The following REPS1 variants were observed in gnomAD, a reference collection of about 807,000 sequenced individuals.
REPS1 encodes RALBP1 associated Eps domain containing 1.
In REPS1, 39 loss-of-function variants were observed where a neutral mutation model predicts 100.9. That is an observed-to-expected ratio of 0.39 (90% confidence interval 0.30 to 0.50). REPS1 has a LOEUF of 0.50. REPS1 is among the 20% of genes least tolerant of loss of function. The probability of loss-of-function intolerance (pLI) is 0.86; values close to 1 mark genes in which losing one functional copy is unlikely to be tolerated. For missense variants in REPS1, 821 were observed against 968.5 expected (o/e 0.85, Z 2.02); for synonymous variants, 324 against 340.3 (o/e 0.95, Z 0.53).
intron 1 of REPS1, among the ~76,000 whole-genome samples, chr6:138,948,732 T>G (rs73561199): frequency 0.07 from 10,671 of 152,168 alleles, 704 homozygotes; most frequent in East Asian, 0.21. Context: ...ACACAAACTT[T>G]TGTATAGAGA....
intron 1 of REPS1, among the ~76,000 whole-genome samples, chr6:138,952,233 A>T (rs1783084020): frequency 1.3e-5 from 2 of 152,190 alleles, no homozygotes; most frequent in Admixed American, 1.3e-4. Context: ...AAGAAAGGGC[A>T]TCTGAACTGG....
chr6:138,933,227 C>T (rs891645235), intron 8 of REPS1, among the ~76,000 whole-genome samples: 2 of 152,116 alleles, frequency 1.3e-5, no homozygotes, highest in East Asian at 3.8e-4. Flanking sequence ...TTGTGTGAGG[C>T]TAGATTTAAT....
intron 2 of REPS1, 148 bp downstream of exon 2, chr6:138,947,642 T>A: frequency 1.7e-6 from 1 of 596,202 alleles, no homozygotes; most frequent in Non-Finnish European, 2.7e-6. Context: ...AAGTGAGAAA[T>A]GCAAGGTAGT....
chr6:138,920,143 C>G, intron 12 of REPS1, 72 bp downstream of exon 12: 1 of 818,430 alleles, frequency 1.2e-6, no homozygotes, highest in Non-Finnish European at 2.1e-6. Context: ...TAAATGCATA[C>G]ACATCTGAAA....
chr6:138,983,008 G>A (rs1398774245), intron 1 of REPS1, among the ~76,000 whole-genome samples: 2 of 152,134 alleles, frequency 1.3e-5, no homozygotes, highest in Admixed American at 6.5e-5. Context: ...AATCCCTACT[G>A]TTCATAAGAA....
At chr6:138,983,257 G>T (rs181938451) in intron 1 of REPS1, among the ~76,000 whole-genome samples, 202 of 152,242 alleles carry the variant, frequency 1.3e-3, no homozygotes, top group African/African-American at 4.6e-3. Context: ...TTCAAGACCA[G>T]CCTGGCCAAT....
chr6:138,942,024 A>G (rs1344666913), intron 7 of REPS1, among the ~76,000 whole-genome samples: 1 of 152,124 alleles, frequency 6.6e-6, no homozygotes, highest in Non-Finnish European at 1.5e-5. Flanking sequence ...GATTACAGGT[A>G]CGCGTCACCA....
intron 1 of REPS1, among the ~76,000 whole-genome samples, chr6:138,977,548 G>A (rs1250657018): frequency 1.3e-5 from 2 of 152,082 alleles, no homozygotes; most frequent in African/African-American, 4.8e-5. Flanking sequence ...ATATTGCCCA[G>A]AGACATGTTT....
chr6:138,934,094 C>A, intron 8 of REPS1: 2 of 209,528 alleles, frequency 9.5e-6, no homozygotes, highest in Non-Finnish European at 2.0e-5. Context: ...ACCATTCAGT[C>A]TAGAAATAAA....
chr6:138,913,009 G>C, intron 15 of REPS1, 59 bp from the exon 16 acceptor site: 1 of 1,419,630 alleles, frequency 7.0e-7, no homozygotes, highest in Non-Finnish European at 9.6e-7. Flanking sequence ...GTGTCACAGA[G>C]TCATCTTCTT....
At chr6:138,914,146 T>G (rs1780199405) in intron 15 of REPS1, among the ~76,000 whole-genome samples, 1 of 152,154 alleles carries the variant, frequency 6.6e-6, no homozygotes, top group Admixed American at 6.6e-5. Context: ...TACAGCTCAC[T>G]GCAGCCTTGA....
intron 1 of REPS1, among the ~76,000 whole-genome samples, chr6:138,959,990 G>A (rs1040609959): frequency 6.6e-6 from 1 of 152,156 alleles, no homozygotes; most frequent in Non-Finnish European, 1.5e-5. Context: ...TAGCTAGACA[G>A]AACTTCAACC....
intron 19 of REPS1, among the ~76,000 whole-genome samples, chr6:138,905,700 A>G (rs1183602983): frequency 2.0e-5 from 3 of 152,240 alleles, no homozygotes; most frequent in Non-Finnish European, 4.4e-5. Flanking sequence ...TAGAAAAGTC[A>G]CTGTTTGCAA....
intron 14 of REPS1, 33 bp downstream of exon 14, chr6:138,915,825 T>C (rs1250146936): frequency 7.3e-7 from 1 of 1,376,316 alleles, no homozygotes; most frequent in Non-Finnish European, 1.0e-6. Context: ...TAAAATTAAA[T>C]GATAATGTAT....
chr6:138,941,215 C>T, intron 8 of REPS1, 120 bp downstream of exon 8: 1 of 1,052,086 alleles, frequency 9.5e-7, no homozygotes, highest in South Asian at 1.6e-5. Flanking sequence ...AATCTATGTA[C>T]ACTTGATGAA....
At chr6:138,950,331 A>C (rs1782934129) in intron 1 of REPS1, among the ~76,000 whole-genome samples, 1 of 152,160 alleles carries the variant, frequency 6.6e-6, no homozygotes, top group Non-Finnish European at 1.5e-5. Context: ...TTAGTTAAAA[A>C]TTAACTGGAT....
Position 138,987,780 on chromosome 6 carries a change from C to CT in REPS1, c.-99dup. ...CAGGGGCTGCGCGTGGCCCGGCCTC[C>CT]TGCTAGCTTCCCGAAAACGCCGGCC... On this transcript the variant is annotated 5_prime_UTR_variant, in exon 1 of 20. Transcript: ENST00000450536. 1 of 1,359,420 alleles carries CT rather than the reference C, an allele frequency of 7.4e-7. No homozygotes were observed. The highest frequency in any genetic ancestry group is 1.7e-5 in the South Asian group (1 of 58,700). 84.2% of individuals were successfully genotyped at this position (1,359,420 alleles called of 1,614,324 possible). A position where few individuals can be genotyped will look rare whatever the true frequency, so the allele number is the denominator to read the frequency against.
intron 15 of REPS1, among the ~76,000 whole-genome samples, 192 bp from the exon 16 acceptor site, chr6:138,913,142 T>TAA (rs1010921897): frequency 1.3e-5 from 2 of 148,868 alleles, no homozygotes; most frequent in African/African-American, 4.9e-5. Context: ...GCTAAGACAC[T>TAA]AAAAAAAAAA....
chr6:138,954,434 C>T (rs936462606), intron 1 of REPS1, among the ~76,000 whole-genome samples: 10 of 150,750 alleles, frequency 6.6e-5, no homozygotes, highest in South Asian at 4.2e-4. Flanking sequence ...TTCCCTGGGC[C>T]ACACTGGAAG....
Sources: gnomAD v4.1 joint callset for allele counts (sites outside exome capture counted in the v4.1 genomes callset) on GRCh38, gnomAD v4.1.1 for gene constraint, MANE v1.5 for transcripts, NCBI Gene and HGNC (gene_info 2026-07-23, HGNC 2026-07-21) for gene names.